RAB10: variants seen among roughly 807,000 people sequenced by gnomAD.
RAB10 encodes RAB10, member RAS oncogene family, also known as ras-related protein Rab-10.
In RAB10, 5 loss-of-function variants were observed where a neutral mutation model predicts 25.7. The observed-to-expected ratio is 0.19, with a 90% CI of 0.10 to 0.41. The LOEUF is 0.41. Ranked by LOEUF, RAB10 falls within the 10% of genes least tolerant of loss-of-function variation. The pLI, the probability that RAB10 is intolerant of heterozygous loss-of-function variation, is 1.00. For synonymous variants in RAB10, 89 were observed against 86.4 expected, an observed-to-expected ratio of 1.03 and a Z score of -0.16; for missense variants, 103 against 245.8, an observed-to-expected ratio of 0.42 and a Z score of 3.89.
In RAB10 at chr2:26,034,786, A is replaced by AT. The variant is rs779602414; in HGVS notation, c.127+55dup. The AT allele has an allele frequency of 1.9e-6, 3 of 1,602,446 alleles. No homozygotes were observed. In the South Asian group the frequency reaches 3.3e-5, roughly 18 times the overall value. On this transcript the variant is annotated intron_variant, in intron 1 of 5. Transcript: ENST00000264710. ...CGGTCTCGGTAGCTGCATACCGTTT[A>AT]TTTTACTCCAGACATCTTGCTTCCC...
At chr2:26,126,376 G>C (rs562654821) in intron 3 of RAB10, among the ~76,000 whole-genome samples, 1 of 152,194 alleles carries the variant, frequency 6.6e-6, no homozygotes, top group African/African-American at 2.4e-5. Flanking sequence ...CCAGGAGTTC[G>C]CGATCAGCCT....
At chr2:26,042,111 T>C (rs1416171131) in intron 1 of RAB10, among the ~76,000 whole-genome samples, 1 of 152,172 alleles carries the variant, frequency 6.6e-6, no homozygotes, top group Non-Finnish European at 1.5e-5. Flanking sequence ...GCTGCTTCTA[T>C]ACTGGATGTG....
At chr2:26,061,092 C>CTTTTTTTTTTTTT (rs5829993) in intron 1 of RAB10, among the ~76,000 whole-genome samples, 53 of 83,638 alleles carry the variant, frequency 6.3e-4, no homozygotes, top group Middle Eastern at 0.01. Flanking sequence ...TTATCTCTGT[C>CTTTTTTTTTTTTT]TTTTTTTTTT....
At position 26,116,681 on chromosome 2, in the gene RAB10, C is replaced by T. The variant is rs573802937; in HGVS notation, c.327+6775C>T. On this transcript the variant is annotated intron_variant, in intron 3 of 5. Coordinates refer to ENST00000264710, the MANE Select transcript of RAB10 (RefSeq NM_016131.5). Reference sequence around the variant, plus strand: ...ACACCATCCTCCTGCCTCAGCCTCCCGAGTAGCTGGGACTACAGGCACCCG... The same window carrying T: ...ACACCATCCTCCTGCCTCAGCCTCCTGAGTAGCTGGGACTACAGGCACCCG... 7.7e-4 allele frequency among the ~76,000 whole-genome samples: 116 copies of T among 150,540 alleles called. 2 individuals are homozygous for T. The South Asian group carries it at 0.015, about 19-fold the overall frequency.
chr2:26,066,124 A>G (rs1666507966), intron 1 of RAB10, among the ~76,000 whole-genome samples: 1 of 152,246 alleles, frequency 6.6e-6, no homozygotes, highest in African/African-American at 2.4e-5. Context: ...TGGATGAAAG[A>G]AATCAAGCAG....
chr2:26,090,639 T>A (rs1006240681), intron 1 of RAB10, among the ~76,000 whole-genome samples: 1 of 151,984 alleles, frequency 6.6e-6, no homozygotes, highest in African/African-American at 2.4e-5. Context: ...TTCCCTTAAT[T>A]GTTTTGATAT....
intron 1 of RAB10, among the ~76,000 whole-genome samples, chr2:26,046,978 C>T (rs188408858): frequency 6.6e-6 from 1 of 152,172 alleles, no homozygotes; most frequent in East Asian, 1.9e-4. Context: ...GTATACTTTG[C>T]CCAGTTTCTT....
chr2:26,083,548 C>G (rs1327895407), intron 1 of RAB10, among the ~76,000 whole-genome samples: 7 of 151,882 alleles, frequency 4.6e-5, no homozygotes, highest in Admixed American at 3.9e-4. Context: ...ACTGCAACCT[C>G]CGCCTCCCAG....
chr2:26,061,305 C>T (rs748443373), intron 1 of RAB10, among the ~76,000 whole-genome samples: 11 of 151,676 alleles, frequency 7.3e-5, no homozygotes, highest in Non-Finnish European at 1.0e-4. Flanking sequence ...TTTATAGAGA[C>T]GGGATTTTGC....
At chr2:26,043,140 A>G (rs1665927578) in intron 1 of RAB10, among the ~76,000 whole-genome samples, 1 of 151,580 alleles carries the variant, frequency 6.6e-6, no homozygotes, top group African/African-American at 2.4e-5. Context: ...CAAAGATTCA[A>G]ACAGGGCCAG....
chr2:26,052,418 G>T (rs1244616605), intron 1 of RAB10, among the ~76,000 whole-genome samples: 1 of 151,760 alleles, frequency 6.6e-6, no homozygotes, highest in Non-Finnish European at 1.5e-5. Context: ...CTAAACATGG[G>T]CAGGGCTTTT....
At position 26,072,636 on chromosome 2, in the gene RAB10, C is replaced by T. The variant is rs562402961; in HGVS notation, c.128-26026C>T. ...GAATAGGTTCTTAAAATACTCCTCC[C>T]TTTTCTAGCAACATATCTGTTTGTA... On this transcript the variant is annotated intron_variant, in intron 1 of 5. Coordinates refer to ENST00000264710, the MANE Select transcript of RAB10 (RefSeq NM_016131.5). Among the ~76,000 whole-genome samples the T allele has an allele frequency of 1.4e-4, 21 of 152,208 alleles. No homozygotes were observed. The East Asian group carries it at 3.1e-3, about 22-fold the overall frequency.
intron 1 of RAB10, among the ~76,000 whole-genome samples, chr2:26,056,742 T>G (rs1403530640): frequency 3.3e-5 from 5 of 152,272 alleles, no homozygotes; most frequent in South Asian, 2.1e-4. Flanking sequence ...GTCTTACCCA[T>G]TAGCCTCCTG....
Position 26,034,088 on chromosome 2 carries a change from C to G in RAB10, c.-521C>G. The G allele has an allele frequency of 2.5e-6, 1 of 404,878 alleles. No individual in the cohort carries two copies. Among genetic ancestry groups the G allele is most frequent in the East Asian group, 3.5e-5 (1 of 28,346 alleles). The allele number at this position is 404,878 out of a possible 1,614,324, so 25.1% of individuals were successfully genotyped here. On this transcript the variant is annotated 5_prime_UTR_variant, in exon 1 of 6. Coordinates refer to ENST00000264710, the MANE Select transcript of RAB10 (RefSeq NM_016131.5). ...CGGGCGTACGCCCTTGCGTGCGTCT[C>G]AGGCAGCGCGCACGCCGGCGTGAGA...
At chr2:26,080,604 G>C (rs976816354) in intron 1 of RAB10, among the ~76,000 whole-genome samples, 1 of 152,080 alleles carries the variant, frequency 6.6e-6, no homozygotes, top group African/African-American at 2.4e-5. Context: ...GAACTCTTGG[G>C]CTCAAGTGAT....
intron 1 of RAB10, among the ~76,000 whole-genome samples, chr2:26,075,058 G>A (rs1447919760): frequency 6.6e-6 from 1 of 152,192 alleles, no homozygotes; most frequent in Non-Finnish European, 1.5e-5. Flanking sequence ...TTAATTGGTA[G>A]CTCTTGGAGA....
At chr2:26,048,404 A>C (rs781509649) in intron 1 of RAB10, among the ~76,000 whole-genome samples, 26 of 152,260 alleles carry the variant, frequency 1.7e-4, no homozygotes, top group Non-Finnish European at 2.8e-4. Flanking sequence ...TACTGTAGTC[A>C]TTCTGATAAG....
At chr2:26,054,408 T>C (rs1385579342) in intron 1 of RAB10, among the ~76,000 whole-genome samples, 1 of 152,152 alleles carries the variant, frequency 6.6e-6, no homozygotes, top group African/African-American at 2.4e-5. Flanking sequence ...CAGGCTGGTC[T>C]GGAACTCCTG....
chr2:26,070,160 T>G (rs1035326331), intron 1 of RAB10, among the ~76,000 whole-genome samples: 1 of 152,270 alleles, frequency 6.6e-6, no homozygotes, highest in African/African-American at 2.4e-5. Context: ...TTATGCGTCC[T>G]TGGCTTTATC....
Sources: gnomAD v4.1 joint callset for allele counts (sites outside exome capture counted in the v4.1 genomes callset) on GRCh38, gnomAD v4.1.1 for gene constraint, MANE v1.5 for transcripts, NCBI Gene and HGNC (gene_info 2026-07-23, HGNC 2026-07-21) for gene names.